MTMR6: variants seen among roughly 807,000 people sequenced by gnomAD.
MTMR6 encodes the protein myotubularin related protein 6.
Under a neutral mutation model 80.1 loss-of-function variants are expected in MTMR6, and 47 were observed. That is an observed-to-expected ratio of 0.59 (90% CI 0.46 to 0.75). The LOEUF (loss-of-function observed/expected upper bound fraction) is 0.75. MTMR6 is among the 30% of genes least tolerant of loss of function. The pLI, the probability that MTMR6 is intolerant of heterozygous loss-of-function variation, is 0.00. For synonymous variants in MTMR6, 254 were observed against 253.0 expected, an observed-to-expected ratio of 1.00 and a Z score of -0.04; for missense variants, 629 against 730.9, an observed-to-expected ratio of 0.86 and a Z score of 1.61.
At chr13:25,271,349 T>A (rs1351386902) in intron 2 of MTMR6, among the ~76,000 whole-genome samples, 3 of 152,164 alleles carry the variant, frequency 2.0e-5, no homozygotes, top group Non-Finnish European at 4.4e-5. Flanking sequence ...CAGTCAGGTA[T>A]TCATTTACTT....
intron 2 of MTMR6, among the ~76,000 whole-genome samples, chr13:25,268,142 A>G (rs1242416656): frequency 6.6e-6 from 1 of 152,112 alleles, no homozygotes; most frequent in African/African-American, 2.4e-5. Context: ...CAGTCCACAT[A>G]CTCAAGACAT....
Position 25,287,320 on chromosome 13 carries a change from G to A in MTMR6, c.-73C>T, listed in dbSNP as rs1188331059. 6 of 1,537,180 alleles carry A rather than the reference G, an allele frequency of 3.9e-6. No individual in the cohort carries two copies. Among genetic ancestry groups the A allele is most frequent in the East Asian group, 2.4e-5 (1 of 41,052 alleles). On this transcript the variant is annotated 5_prime_UTR_variant, in exon 1 of 14. Coordinates refer to ENST00000381801, the MANE Select transcript of MTMR6 (RefSeq NM_004685.5). ...GCTACAGAAACAGGGCGGTGACAGCGACAGAGAGCAAGCGGGAACTCCCTC... is the reference window on the plus strand; with the variant it reads ...GCTACAGAAACAGGGCGGTGACAGCAACAGAGAGCAAGCGGGAACTCCCTC...
chr13:25,254,381 T>C lies in MTMR6; in HGVS notation c.1145+4A>G. On this transcript the variant is annotated splice_donor_region_variant and intron_variant, in intron 10 of 13. Transcript: ENST00000381801. Reference sequence around the variant, plus strand: ...AAATATATGACTGTGTAACTGTGACTCACCTCTCTGAAAATTTATGTCCAA... The same window carrying C: ...AAATATATGACTGTGTAACTGTGACCCACCTCTCTGAAAATTTATGTCCAA... The C allele has an allele frequency of 6.4e-7, 1 of 1,567,146 alleles. No individual in the cohort carries two copies. Among genetic ancestry groups the C allele is most frequent in the Non-Finnish European group, 8.8e-7 (1 of 1,140,242 alleles).
chr13:25,274,206 T>C lies in MTMR6; in HGVS notation c.25-19A>G, dbSNP rs375674097. On this transcript the variant is annotated intron_variant, in intron 1 of 13. Coordinates refer to ENST00000381801, the MANE Select transcript of MTMR6 (RefSeq NM_004685.5). ...GTTCGACCTAAAAGAAAAAAAGATATTATTTCTCATTTCAAAAGTAGTATA... is the reference window on the plus strand; with the variant it reads ...GTTCGACCTAAAAGAAAAAAAGATACTATTTCTCATTTCAAAAGTAGTATA... 7.1e-5 allele frequency: 104 copies of C among 1,475,124 alleles called. No homozygotes were observed. In the African/African-American group the frequency reaches 1.4e-3, roughly 20 times the overall value. 91.4% of individuals were successfully genotyped at this position (1,475,124 alleles called of 1,614,324 possible). A position where few individuals can be genotyped will look rare whatever the true frequency, so the allele number is the denominator to read the frequency against.
chr13:25,271,245 G>A (rs1001085138), intron 2 of MTMR6, among the ~76,000 whole-genome samples: 1 of 152,056 alleles, frequency 6.6e-6, no homozygotes, highest in Non-Finnish European at 1.5e-5. Flanking sequence ...TTAGCTGGGG[G>A]CCTTCTGAGA....
Position 25,287,136 on chromosome 13 carries a change from C to T in MTMR6, c.24+88G>A, listed in dbSNP as rs1364103935. On this transcript the variant is annotated intron_variant, in intron 1 of 13. Coordinates refer to ENST00000381801, the MANE Select transcript of MTMR6 (RefSeq NM_004685.5). ...TCTCCGCCGGGCCGGCTCCCAGCCC[C>T]AGTCAGGCCAGCAGAGCCTTCGTCT... is the stretch of plus-strand genomic sequence containing the variant. The T allele has an allele frequency of 3.3e-6, 5 of 1,520,442 alleles. No homozygotes were observed. In the South Asian group the frequency reaches 4.8e-5, roughly 14 times the overall value. The allele number at this position is 1,520,442 out of a possible 1,614,324, so 94.2% of individuals were successfully genotyped here.
chr13:25,260,781 T>A (rs998781933), intron 6 of MTMR6: 1 of 540,644 alleles, frequency 1.8e-6, no homozygotes. Context: ...TGTTTAACTA[T>A]GTTAATAAAA....
intron 2 of MTMR6, among the ~76,000 whole-genome samples, chr13:25,270,280 G>A (rs146442197): frequency 7.2e-5 from 11 of 152,294 alleles, no homozygotes; most frequent in Non-Finnish European, 1.3e-4. Context: ...ATAATCAACT[G>A]TAAAGTGAGA....
chr13:25,253,874 T>C lies in MTMR6; in HGVS notation c.1236A>G (p.Pro412=). ...ATGCTTCACTGAATTCAAAGGCTTG[T>C]GGAAACTGTTCGGTCAAATGCCACA... ...ECVWHLTEQF[P]QAFEFSEAFL... The change falls in exon 11 of 14, where the codon CCA becomes CCG. Residue 412 remains proline, a synonymous_variant. Transcript: ENST00000381801. The C allele has an allele frequency of 6.2e-7, 1 of 1,614,146 alleles. No individual in the cohort carries two copies. The highest frequency in any genetic ancestry group is 8.5e-7 in the Non-Finnish European group (1 of 1,180,008).
intron 1 of MTMR6, among the ~76,000 whole-genome samples, chr13:25,278,531 G>A (rs541530290): frequency 6.6e-6 from 1 of 152,014 alleles, no homozygotes; most frequent in Non-Finnish European, 1.5e-5. Context: ...AACCAGCCTG[G>A]CCAACATGGT....
chr13:25,258,152 C>T (rs9740492), intron 7 of MTMR6, among the ~76,000 whole-genome samples: 87 of 152,200 alleles, frequency 5.7e-4, no homozygotes, highest in African/African-American at 2.0e-3. Context: ...ATGAACATTA[C>T]TACAAATTAG....
In MTMR6 at chr13:25,253,549, G is replaced by C. The variant is rs118030125; in HGVS notation, c.1346+215C>G. Among the ~76,000 whole-genome samples, 441 of 152,240 alleles carry C rather than the reference G, an allele frequency of 2.9e-3. 3 individuals carry two copies. The highest frequency in any genetic ancestry group is 9.7e-3 in the Admixed American group (148 of 15,298). On this transcript the variant is annotated intron_variant, in intron 11 of 13. Transcript: ENST00000381801. ...GCTCTATGTACTTTTCTGTATGTAT[G>C]CTACACTTCAAAACACATTTTATAA...
At chr13:25,263,420 G>A (rs1957382608) in intron 5 of MTMR6, among the ~76,000 whole-genome samples, 1 of 152,212 alleles carries the variant, frequency 6.6e-6, no homozygotes, top group South Asian at 2.1e-4. Flanking sequence ...ACAGCTGTGG[G>A]CAGGGGTGAA....
In MTMR6 at chr13:25,274,726, T is replaced by C. The variant is rs1213034931; in HGVS notation, c.25-539A>G. ...TGTTTCTAAAATGGTCTCTTCTGCT[T>C]AGCTAAGTGGCAAGCATTCTTCAAG... is the stretch of plus-strand genomic sequence containing the variant. On this transcript the variant is annotated intron_variant, in intron 1 of 13. Coordinates refer to ENST00000381801, the MANE Select transcript of MTMR6 (RefSeq NM_004685.5). 3.4e-4 allele frequency among the ~76,000 whole-genome samples: 52 copies of C among 152,094 alleles called. 1 individual carries two copies. The highest frequency in any genetic ancestry group is 2.9e-5 in the Non-Finnish European group (2 of 68,018).
chr13:25,257,582 A>G (rs1853094734), intron 8 of MTMR6, among the ~76,000 whole-genome samples, 154 bp downstream of exon 8: 1 of 152,244 alleles, frequency 6.6e-6, no homozygotes, highest in African/African-American at 2.4e-5. Context: ...GTGCTACATG[A>G]TATTTTTAAG....
At chr13:25,285,541 T>C (rs1169797413) in intron 1 of MTMR6, among the ~76,000 whole-genome samples, 2 of 132,222 alleles carry the variant, frequency 1.5e-5, no homozygotes, top group African/African-American at 2.6e-5. Flanking sequence ...CCCGGCTTTC[T>C]TTTTTTTTTT....
rs979776657 is a variant in MTMR6, at chr13:25,247,225, C to T, written c.*2007G>A. 1.3e-5 allele frequency: 2 copies of T among 152,270 alleles called. No homozygotes were observed. The highest frequency in any genetic ancestry group is 4.8e-5 in the African/African-American group (2 of 41,374). The allele number at this position is 152,270 out of a possible 1,614,324, so 9.4% of individuals were successfully genotyped here. The stretch of plus-strand genomic sequence containing the variant: ...CTAGGTGAGAAGAAAAAAAAAACAA[C>T]TACAACTTGATTCCATTTGTTTTAT... On this transcript the variant is annotated 3_prime_UTR_variant, in exon 14 of 14. Coordinates refer to ENST00000381801, the MANE Select transcript of MTMR6 (RefSeq NM_004685.5).
At chr13:25,254,647 T>C (rs934362321) in intron 9 of MTMR6, among the ~76,000 whole-genome samples, 1 of 152,112 alleles carries the variant, frequency 6.6e-6, no homozygotes, top group Non-Finnish European at 1.5e-5. Context: ...ATAGAGTAGT[T>C]TCGTGACTTA....
intron 5 of MTMR6, among the ~76,000 whole-genome samples, chr13:25,264,775 A>AAAAAAAAAAAAAAAAAAAAAAAAAAAG: frequency 7.5e-6 from 1 of 133,648 alleles, no homozygotes; most frequent in South Asian, 2.9e-4. Flanking sequence ...AAAAAAAAAA[A>AAAAAAAAAAAAAAAAAAAAAAAAAAAG]GAAATTTCAG....
Sources: gnomAD v4.1 joint callset for allele counts (sites outside exome capture counted in the v4.1 genomes callset) on GRCh38, gnomAD v4.1.1 for gene constraint, MANE v1.5 for transcripts, NCBI Gene and HGNC (gene_info 2026-07-23, HGNC 2026-07-21) for gene names.